NALF1: variants seen among roughly 807,000 people sequenced by gnomAD.
NALF1 encodes the protein family with sequence similarity 155 member A.
Under a neutral mutation model 48.4 loss-of-function variants are expected in NALF1, and 3 were observed. That is an observed-to-expected ratio of 0.06 (90% CI 0.03 to 0.16). The LOEUF (loss-of-function observed/expected upper bound fraction) is 0.16. Ranked by LOEUF, NALF1 falls within the 10% of genes least tolerant of loss-of-function variation. The probability of loss-of-function intolerance (pLI) is 1.00; values close to 1 mark genes in which losing one functional copy is unlikely to be tolerated. For synonymous variants in NALF1, 262 were observed against 245.7 expected (o/e 1.07, Z -0.62); for missense variants, 526 against 571.5 (o/e 0.92, Z 0.81).
At chr13:107,399,633 G>C (rs937696459) in intron 1 of NALF1, among the ~76,000 whole-genome samples, 1 of 151,912 alleles carries the variant, frequency 6.6e-6, no homozygotes, top group Admixed American at 6.6e-5. Flanking sequence ...CAAATTCCTT[G>C]GTTTCCCATT....
chr13:107,689,000 G>A (rs1881505817), intron 1 of NALF1, among the ~76,000 whole-genome samples: 1 of 152,206 alleles, frequency 6.6e-6, no homozygotes, highest in African/African-American at 2.4e-5. Flanking sequence ...CAAATGGCAC[G>A]GAACAAAGAG....
intron 1 of NALF1, among the ~76,000 whole-genome samples, chr13:107,786,797 C>T (rs1388948337): frequency 6.6e-6 from 1 of 152,092 alleles, no homozygotes; most frequent in Admixed American, 6.6e-5. Flanking sequence ...CTCTTCTCTC[C>T]CTCTCATCTC....
At chr13:107,599,816 A>G (rs1878872037) in intron 1 of NALF1, among the ~76,000 whole-genome samples, 1 of 152,212 alleles carries the variant, frequency 6.6e-6, no homozygotes, top group African/African-American at 2.4e-5. Flanking sequence ...CAAGTTGTAT[A>G]GAGTATGTTA....
At chr13:107,216,793 A>T (rs1879881905) in intron 1 of NALF1, among the ~76,000 whole-genome samples, 1 of 152,164 alleles carries the variant, frequency 6.6e-6, no homozygotes, top group African/African-American at 2.4e-5. Flanking sequence ...AGGAGAGGGA[A>T]TCAGTCTGAA....
At chr13:107,394,947 C>T (rs1488474727) in intron 1 of NALF1, among the ~76,000 whole-genome samples, 2 of 152,162 alleles carry the variant, frequency 1.3e-5, no homozygotes, top group African/African-American at 4.8e-5. Context: ...CAGTGGGGCC[C>T]TCCAATGGGG....
chr13:107,660,163 G>T (rs959653066), intron 1 of NALF1, among the ~76,000 whole-genome samples: 10 of 151,852 alleles, frequency 6.6e-5, no homozygotes, highest in Non-Finnish European at 1.2e-4. Flanking sequence ...TCTTAGGTTG[G>T]GTGTGGTGGC....
intron 1 of NALF1, among the ~76,000 whole-genome samples, chr13:107,844,177 T>TA (rs1322042414): frequency 6.6e-6 from 1 of 152,130 alleles, no homozygotes; most frequent in Non-Finnish European, 1.5e-5. Context: ...TCCTAATGTT[T>TA]ATTACTAGAA....
intron 1 of NALF1, among the ~76,000 whole-genome samples, chr13:107,546,778 C>A (rs543097424): frequency 1.4e-4 from 22 of 152,226 alleles, no homozygotes; most frequent in Admixed American, 8.5e-4. Flanking sequence ...ATACGACTAC[C>A]AAGCTGTGTG....
Position 107,167,814 on chromosome 13 carries a change from G to A in NALF1, c.*2683C>T, listed in dbSNP as rs1566438585. The A allele has an allele frequency of 6.6e-6, 1 of 152,028 alleles. No individual in the cohort carries two copies. The highest frequency in any genetic ancestry group is 1.5e-5 in the Non-Finnish European group (1 of 68,032). 9.4% of individuals were successfully genotyped at this position (152,028 alleles called of 1,614,324 possible). On this transcript the variant is annotated 3_prime_UTR_variant, in exon 3 of 3. Transcript: ENST00000375915. ...CTTATGTAAAGCAATGGTGGTTTTA[G>A]TTTTCCACCTTTTGGTTGGCATTAT...
At chr13:107,198,971 T>G (rs1008804129) in intron 2 of NALF1, among the ~76,000 whole-genome samples, 5 of 152,180 alleles carry the variant, frequency 3.3e-5, no homozygotes, top group African/African-American at 1.2e-4. Context: ...AACATGTAAA[T>G]GTATTTCACA....
At chr13:107,209,040 T>C (rs184295381) in intron 2 of NALF1, among the ~76,000 whole-genome samples, 140 of 152,350 alleles carry the variant, frequency 9.2e-4, no homozygotes, top group Non-Finnish European at 1.8e-3. Flanking sequence ...CCTTCTCTCT[T>C]ATCTGTAATC....
chr13:107,229,975 A>G (rs1426629235), intron 1 of NALF1, among the ~76,000 whole-genome samples: 3 of 152,212 alleles, frequency 2.0e-5, no homozygotes, highest in Non-Finnish European at 4.4e-5. Flanking sequence ...TGGGCCAAGT[A>G]GAGAGAAGTC....
At chr13:107,207,067 AAAG>A (rs1406376165) in intron 2 of NALF1, among the ~76,000 whole-genome samples, 2 of 152,184 alleles carry the variant, frequency 1.3e-5, no homozygotes, top group East Asian at 3.9e-4. Context: ...TTTTTTTCAA[AAAG>A]AAAAATTGCT....
chr13:107,733,986 C>A (rs1353927437), intron 1 of NALF1, among the ~76,000 whole-genome samples: 1 of 152,142 alleles, frequency 6.6e-6, no homozygotes, highest in East Asian at 1.9e-4. Flanking sequence ...TAGCCTGTTG[C>A]AAACCTGTAC....
At chr13:107,315,362 C>T (rs1882126339) in intron 1 of NALF1, among the ~76,000 whole-genome samples, 1 of 152,050 alleles carries the variant, frequency 6.6e-6, no homozygotes, top group South Asian at 2.1e-4. Flanking sequence ...ATGGATGCAG[C>T]CAAACTCACT....
chr13:107,444,610 G>C lies in NALF1; in HGVS notation c.916-233855C>G, dbSNP rs1884617933. Among the ~76,000 whole-genome samples, 3 of 152,084 alleles carry C rather than the reference G, an allele frequency of 2.0e-5. No homozygotes were observed. The South Asian group carries it at 6.2e-4, about 31-fold the overall frequency. On this transcript the variant is annotated intron_variant, in intron 1 of 2. Transcript: ENST00000375915. ...GATCAAACAATCCCTTACTTGTTTT[G>C]ACGAGCTATAATAGAGCTATGTCAT...
intron 1 of NALF1, among the ~76,000 whole-genome samples, chr13:107,404,532 A>G (rs1594157832): frequency 1.3e-5 from 2 of 152,290 alleles, no homozygotes; most frequent in East Asian, 3.9e-4. Flanking sequence ...TCAGTTCCTA[A>G]CAAGGTAATT....
chr13:107,218,426 A>G (rs1484183507), intron 1 of NALF1, among the ~76,000 whole-genome samples: 1 of 152,116 alleles, frequency 6.6e-6, no homozygotes, highest in Non-Finnish European at 1.5e-5. Flanking sequence ...AACTAGTAAC[A>G]TGGCCTTTGG....
Position 107,285,399 on chromosome 13 carries a change from T to C in NALF1, c.916-74644A>G, listed in dbSNP as rs61965523. 1.9e-3 allele frequency among the ~76,000 whole-genome samples: 295 copies of C among 152,316 alleles called. 1 individual carries two copies. The highest frequency in any genetic ancestry group is 3.3e-3 in the Non-Finnish European group (223 of 68,024). On this transcript the variant is annotated intron_variant, in intron 1 of 2. Transcript: ENST00000375915. ...GCTTGCATAGAGAGAAGGACATAGG[T>C]ACTGCCACCTCTAAGCCCAGGACAG...
Sources: allele counts gnomAD v4.1 joint callset (sites outside exome capture counted in the v4.1 genomes callset), GRCh38; gene constraint gnomAD v4.1.1; transcripts MANE v1.5; gene names NCBI Gene and HGNC (gene_info 2026-07-23, HGNC 2026-07-21).